Variants in CHRDL1 observed in about 807,000 individuals in gnomAD.
The protein encoded by CHRDL1 is chordin-like protein 1.
In CHRDL1, 19 loss-of-function variants were observed where a neutral mutation model predicts 40.9. The observed-to-expected ratio is 0.46, with a 90% CI of 0.32 to 0.68. The LOEUF is 0.68. CHRDL1 is among the 30% of genes least tolerant of loss of function. The pLI, the probability that CHRDL1 is intolerant of heterozygous loss-of-function variation, is 0.03. For missense variants in CHRDL1, 329 were observed against 352.1 expected (o/e 0.93, Z 0.53); for synonymous variants, 136 against 123.4 (o/e 1.10, Z -0.68).
intron 6 of CHRDL1, among the ~76,000 whole-genome samples, chrX:110,708,710 C>T (rs137936084): frequency 1.6e-3 from 176 of 111,446 alleles, no homozygotes; most frequent in Admixed American, 3.2e-3. Context: ...AGAATGCATG[C>T]GTTTCCAGGA....
At position 110,762,755 on chromosome X, in the gene CHRDL1, T is replaced by C. The variant is rs773035117; in HGVS notation, c.147A>G (p.Arg49=). 6 of 1,190,290 alleles carry C rather than the reference T, an allele frequency of 5.0e-6. No homozygotes were observed. In the African/African-American group the frequency reaches 1.1e-4, roughly 21 times the overall value. ...FQDKKYRVGE[R]WHPYLEPYGL... is the part of the protein sequence containing the mutation. ...CATAAGGTTCCAGGTAAGGATGCCATCTCTCACCCACTCTGTACTTCTTGT... is the reference window on the plus strand; with the variant it reads ...CATAAGGTTCCAGGTAAGGATGCCACCTCTCACCCACTCTGTACTTCTTGT... The change falls in exon 3 of 12, where the codon AGA becomes AGG. Residue 49 remains arginine (R), a synonymous_variant. Transcript: ENST00000372042.
rs1278722196 is a variant in CHRDL1, at chrX:110,698,758, C to T, written c.609+1896G>A. Among the ~76,000 whole-genome samples, 3 of 112,477 alleles carry T rather than the reference C, an allele frequency of 2.7e-5. No individual in the cohort carries two copies. In the Admixed American group the frequency reaches 2.8e-4, roughly 11 times the overall value. On this transcript the variant is annotated intron_variant, in intron 7 of 11. Transcript: ENST00000372042. ...GTCAAGAAGAAAGGCTAATTCATGG[C>T]ATTACCAGCAAGACTGCTAAGGTGG... is the stretch of plus-strand genomic sequence containing the variant.
intron 8 of CHRDL1, 136 bp from the exon 9 acceptor site, chrX:110,688,939 GAGT>G: frequency 4.1e-6 from 2 of 482,796 alleles, no homozygotes; most frequent in Non-Finnish European, 6.9e-6. Context: ...TATGTTTACC[GAGT>G]AGTATCTGTG....
At chrX:110,766,787 T>C (rs2148514107) in intron 2 of CHRDL1, among the ~76,000 whole-genome samples, 1 of 111,651 alleles carries the variant, frequency 9.0e-6, no homozygotes, top group East Asian at 2.8e-4. Context: ...ACCAATCCTT[T>C]TGACACTACT....
intron 4 of CHRDL1, among the ~76,000 whole-genome samples, chrX:110,732,062 C>T (rs917635148): frequency 3.7e-5 from 4 of 109,548 alleles, no homozygotes; most frequent in East Asian, 2.8e-4. Context: ...GGTATCAGAG[C>T]GGAGCGGGCC....
At chrX:110,733,537 T>G (rs1218020221) in intron 4 of CHRDL1, among the ~76,000 whole-genome samples, 1 of 111,492 alleles carries the variant, frequency 9.0e-6, no homozygotes, top group East Asian at 2.8e-4. Flanking sequence ...GTGCCGCTTT[T>G]TAAGTGATCA....
chrX:110,733,590 T>A (rs1453783757), intron 4 of CHRDL1, among the ~76,000 whole-genome samples: 3 of 111,498 alleles, frequency 2.7e-5, no homozygotes, highest in South Asian at 3.8e-4. Context: ...TACTTCTCTA[T>A]CTCCTGCTGG....
chrX:110,789,358 T>C (rs1307117443), intron 2 of CHRDL1, among the ~76,000 whole-genome samples: 1 of 111,940 alleles, frequency 8.9e-6, no homozygotes, highest in Non-Finnish European at 1.9e-5. Flanking sequence ...TTAATACAAC[T>C]TATATGAAGG....
chrX:110,737,752 T>C (rs753476381), intron 4 of CHRDL1, among the ~76,000 whole-genome samples: 1 of 111,660 alleles, frequency 9.0e-6, no homozygotes, highest in Admixed American at 9.5e-5. Flanking sequence ...CTCCCTGACA[T>C]CCATAACCTT....
At chrX:110,724,837 C>T (rs2148469508) in intron 4 of CHRDL1, among the ~76,000 whole-genome samples, 1 of 111,222 alleles carries the variant, frequency 9.0e-6, no homozygotes, top group Non-Finnish European at 1.9e-5. Context: ...CTTTAGAGGG[C>T]CAACACAGCA....
intron 2 of CHRDL1, among the ~76,000 whole-genome samples, chrX:110,790,653 A>G (rs1218636998): frequency 9.1e-6 from 1 of 110,142 alleles, no homozygotes; most frequent in Non-Finnish European, 1.9e-5. Context: ...CCATCACCCA[A>G]ATAATGTACA....
intron 4 of CHRDL1, among the ~76,000 whole-genome samples, chrX:110,749,086 T>C (rs2089308344): frequency 9.0e-6 from 1 of 111,379 alleles, no homozygotes; most frequent in African/African-American, 3.3e-5. Flanking sequence ...GAAGAAAGCA[T>C]GCCACATTTC....
intron 3 of CHRDL1, 107 bp from the exon 4 acceptor site, chrX:110,759,861 T>C: frequency 1.8e-6 from 1 of 545,243 alleles, no homozygotes. Context: ...CAGTGAATAA[T>C]GCATTCCCAA....
intron 2 of CHRDL1, among the ~76,000 whole-genome samples, chrX:110,767,993 T>C (rs1020368532): frequency 1.6e-4 from 18 of 112,149 alleles, no homozygotes; most frequent in Non-Finnish European, 5.6e-5. Flanking sequence ...TATAAGGCCA[T>C]AGTCAGCAAT....
chrX:110,704,257 T>C (rs1414546977), intron 6 of CHRDL1, among the ~76,000 whole-genome samples: 1 of 111,381 alleles, frequency 9.0e-6, no homozygotes, highest in Non-Finnish European at 1.9e-5. Context: ...TATATGCCTA[T>C]TATGTACCCA....
intron 6 of CHRDL1, among the ~76,000 whole-genome samples, chrX:110,718,195 G>C (rs996799690): frequency 1.8e-5 from 2 of 111,714 alleles, no homozygotes; most frequent in Admixed American, 1.9e-4. Context: ...AACCAAGGCA[G>C]TTTGGCTCCA....
At chrX:110,696,234 T>C (rs1239066891) in intron 7 of CHRDL1, among the ~76,000 whole-genome samples, 3 of 111,586 alleles carry the variant, frequency 2.7e-5, no homozygotes, top group Non-Finnish European at 5.6e-5. Context: ...TGACTCATGA[T>C]GGTGAACACA....
intron 4 of CHRDL1, among the ~76,000 whole-genome samples, chrX:110,743,311 G>A (rs2071393454): frequency 8.9e-6 from 1 of 112,382 alleles, no homozygotes; most frequent in Non-Finnish European, 1.9e-5. Flanking sequence ...CTTTGGGTGG[G>A]GGCTTAGTGT....
chrX:110,781,991 T>A (rs1336376643), intron 2 of CHRDL1, among the ~76,000 whole-genome samples: 1 of 111,724 alleles, frequency 9.0e-6, no homozygotes, highest in Non-Finnish European at 1.9e-5. Flanking sequence ...TCCCCCAAAT[T>A]CAGCCTCTAA....
Sources: allele counts gnomAD v4.1 joint callset (sites outside exome capture counted in the v4.1 genomes callset), GRCh38; gene constraint gnomAD v4.1.1; transcripts MANE v1.5; gene names NCBI Gene and HGNC (gene_info 2026-07-23, HGNC 2026-07-21).